ANKRD44: variants seen among roughly 807,000 people sequenced by gnomAD.
ANKRD44 encodes serine/threonine-protein phosphatase 6 regulatory ankyrin repeat subunit B.
In ANKRD44, 35 loss-of-function variants were observed where a neutral mutation model predicts 116.0. The observed-to-expected ratio is 0.30, with a 90% confidence interval of 0.23 to 0.40. ANKRD44 has a LOEUF of 0.40. Ranked by LOEUF, ANKRD44 falls within the 10% of genes least tolerant of loss-of-function variation. The probability of loss-of-function intolerance (pLI) is 1.00; values close to 1 mark genes in which losing one functional copy is unlikely to be tolerated. For missense variants in ANKRD44, 1,014 were observed against 1,242.6 expected, an observed-to-expected ratio of 0.82 and a Z score of 2.77; for synonymous variants, 435 against 461.8, an observed-to-expected ratio of 0.94 and a Z score of 0.74.
chr2:197,122,597 C>G, intron 7 of ANKRD44, 53 bp downstream of exon 7: 1 of 1,570,460 alleles, frequency 6.4e-7, no homozygotes, highest in Non-Finnish European at 8.6e-7. Context: ...TTTAGAATAA[C>G]AGAAATCTTA....
At chr2:197,052,270 G>A (rs536553517) in intron 16 of ANKRD44, among the ~76,000 whole-genome samples, 2 of 152,156 alleles carry the variant, frequency 1.3e-5, no homozygotes, top group Non-Finnish European at 2.9e-5. Context: ...ATAGACAACA[G>A]ATGTTAACCA....
rs117333644 is a variant in ANKRD44 at position 197,162,013 on chromosome 2, A to G, written c.112-14908T>C. ...CGTGACTTGGAGGGTCTGCTCCTCTATCACCTACCTTCTTTCCACCAGCCC... is the reference window on the plus strand; with the variant it reads ...CGTGACTTGGAGGGTCTGCTCCTCTGTCACCTACCTTCTTTCCACCAGCCC... On this transcript the variant is annotated intron_variant, in intron 2 of 27. Coordinates refer to ENST00000282272, the MANE Select transcript of ANKRD44 (RefSeq NM_001195144.2). 8.5e-5 allele frequency among the ~76,000 whole-genome samples: 13 copies of G among 152,294 alleles called. No homozygotes were observed. In the East Asian group the frequency reaches 2.5e-3, roughly 29 times the overall value.
chr2:197,086,714 C>T lies in ANKRD44; in HGVS notation c.1282G>A (p.Gly428Arg), dbSNP rs1051733611. The change falls in exon 13 of 28, where the codon GGA (glycine) becomes AGA (arginine). Residue 428 changes from glycine (G) to arginine (R), a missense_variant. By Grantham distance (125) the Gly-to-Arg change is moderately radical. Coordinates refer to ENST00000282272, the MANE Select transcript of ANKRD44 (RefSeq NM_001195144.2). ...VECIKLLQSS[G>R]ADFHKKDKCG... The stretch of plus-strand genomic sequence containing the variant: ...TTGTCCTTTTTATGGAAATCTGCTC[C>T]GCTGCTCTGCAAGAGTTTTATACAT... 11 of 1,613,742 alleles carry T rather than the reference C, an allele frequency of 6.8e-6. No homozygotes were observed. The highest frequency in any genetic ancestry group is 2.7e-5 in the African/African-American group (2 of 74,880).
chr2:197,188,703 G>A (rs1388066013), intron 1 of ANKRD44, among the ~76,000 whole-genome samples: 1 of 152,186 alleles, frequency 6.6e-6, no homozygotes, highest in Non-Finnish European at 1.5e-5. Context: ...ACAAGATGGA[G>A]TAGTTGATAA....
At chr2:196,995,564 C>T (rs2075998082) in intron 25 of ANKRD44, 103 bp from the exon 26 acceptor site, 1 of 856,450 alleles carries the variant, frequency 1.2e-6, no homozygotes, top group Admixed American at 2.5e-5. Flanking sequence ...TGTCGTCTGC[C>T]TAAGAACATT....
chr2:197,031,179 A>G (rs1292677077), intron 16 of ANKRD44, among the ~76,000 whole-genome samples: 1 of 147,522 alleles, frequency 6.8e-6, no homozygotes. Context: ...TTTTTTTTTT[A>G]TAAAGCAGTA....
chr2:197,016,757 GA>G (rs2076399925), intron 17 of ANKRD44, among the ~76,000 whole-genome samples: 1 of 152,008 alleles, frequency 6.6e-6, no homozygotes, highest in South Asian at 2.1e-4. Flanking sequence ...AAAAAGAAAA[GA>G]AAAGCCTGAT....
At chr2:197,151,892 C>T (rs2079661071) in intron 2 of ANKRD44, among the ~76,000 whole-genome samples, 1 of 152,078 alleles carries the variant, frequency 6.6e-6, no homozygotes, top group South Asian at 2.1e-4. Flanking sequence ...TGAATACTTC[C>T]CCCAAACCCA....
chr2:196,996,714 C>G (rs1044804435), intron 25 of ANKRD44, among the ~76,000 whole-genome samples: 1 of 151,960 alleles, frequency 6.6e-6, no homozygotes, highest in African/African-American at 2.4e-5. Context: ...ACCAGCCTAG[C>G]CAGCATGGTG....
chr2:197,229,926 TAG>T (rs1203703626), intron 1 of ANKRD44, among the ~76,000 whole-genome samples: 1 of 152,072 alleles, frequency 6.6e-6, no homozygotes, highest in East Asian at 1.9e-4. Flanking sequence ...GTGAATAATA[TAG>T]AGTGATTGCT....
intron 21 of ANKRD44, chr2:196,967,502 T>G (rs531233450): frequency 3.0e-5 from 13 of 437,718 alleles, no homozygotes; most frequent in African/African-American, 2.4e-4. Flanking sequence ...TTATGTTAAT[T>G]GTTGCATTTT....
At chr2:197,235,969 T>C (rs1490110078) in intron 1 of ANKRD44, among the ~76,000 whole-genome samples, 1 of 152,102 alleles carries the variant, frequency 6.6e-6, no homozygotes, top group Non-Finnish European at 1.5e-5. Context: ...TATATAGTCA[T>C]AAAACAGTAA....
At chr2:197,070,763 T>G (rs1159617800) in intron 16 of ANKRD44, among the ~76,000 whole-genome samples, 1 of 152,160 alleles carries the variant, frequency 6.6e-6, no homozygotes, top group African/African-American at 2.4e-5. Context: ...ATAAATGAAT[T>G]GGAAAGTATT....
In ANKRD44 at chr2:197,013,680, G is replaced by C. The variant is rs926005759; in HGVS notation, c.1755C>G (p.Val585=). The change falls in exon 18 of 28, where the codon GTC becomes GTG. Residue 585 remains valine, a synonymous_variant. Coordinates refer to ENST00000282272, the MANE Select transcript of ANKRD44 (RefSeq NM_001195144.2). Reference sequence around the variant, plus strand: ...CCAGGTCCACCAACGACTGCAGAAGGACTTCCAAGGCTTGATGGTGCCCAT... The same window carrying C: ...CCAGGTCCACCAACGACTGCAGAAGCACTTCCAAGGCTTGATGGTGCCCAT... ...AYNGHHQALE[V]LLQSLVDLDI... is the part of the protein sequence containing the mutation. The C allele has an allele frequency of 3.1e-6, 5 of 1,613,494 alleles. No homozygotes were observed. Among genetic ancestry groups the C allele is most frequent in the Middle Eastern group, 1.8e-4 (1 of 5,532 alleles).
chr2:197,209,891 G>C (rs1274820094), intron 1 of ANKRD44, among the ~76,000 whole-genome samples: 16 of 152,196 alleles, frequency 1.1e-4, no homozygotes, highest in Admixed American at 1.0e-3. Flanking sequence ...AGGGAGTGAA[G>C]ATATGACTGC....
intron 1 of ANKRD44, among the ~76,000 whole-genome samples, chr2:197,230,919 C>T (rs1182155038): frequency 6.6e-6 from 1 of 152,156 alleles, no homozygotes; most frequent in Non-Finnish European, 1.5e-5. Flanking sequence ...GGCTGCATCA[C>T]CCCTGCCTAT....
intron 2 of ANKRD44, 24 bp downstream of exon 2, chr2:197,186,999 T>C (rs376499416): frequency 8.7e-6 from 14 of 1,609,256 alleles, no homozygotes; most frequent in Non-Finnish European, 1.1e-5. Flanking sequence ...AGGGCCTGAG[T>C]AGCAAAACCA....
chr2:197,276,451 A>G lies in ANKRD44; in HGVS notation c.27+34127T>C, dbSNP rs145595583. On this transcript the variant is annotated intron_variant, in intron 1 of 27. Transcript: ENST00000282272. ...GTCATATTCTTAGTGATAAACAAGAAAAGACTTTTTTGCCCTTATTTCTAG... is the reference window on the plus strand; with the variant it reads ...GTCATATTCTTAGTGATAAACAAGAGAAGACTTTTTTGCCCTTATTTCTAG... Among the ~76,000 whole-genome samples the G allele has an allele frequency of 4.9e-3, 742 of 152,136 alleles. 12 individuals are homozygous for G. The highest frequency in any genetic ancestry group is 7.4e-3 in the Admixed American group (113 of 15,278).
At chr2:197,224,255 T>A (rs2081649787) in intron 1 of ANKRD44, among the ~76,000 whole-genome samples, 1 of 152,212 alleles carries the variant, frequency 6.6e-6, no homozygotes, top group Admixed American at 6.5e-5. Context: ...ATTAAAAAAG[T>A]TAAATGGAAG....
Sources: gnomAD v4.1 joint callset for allele counts (sites outside exome capture counted in the v4.1 genomes callset) on GRCh38, gnomAD v4.1.1 for gene constraint, MANE v1.5 for transcripts, NCBI Gene and HGNC (gene_info 2026-07-23, HGNC 2026-07-21) for gene names.